The following ANAPC10 variants were observed in gnomAD, a reference collection of about 807,000 sequenced individuals.
ANAPC10 encodes anaphase promoting complex subunit 10.
In ANAPC10, 12 loss-of-function variants were observed where a neutral mutation model predicts 22.0. The observed-to-expected ratio is 0.55, with a 90% CI of 0.35 to 0.88. The LOEUF (loss-of-function observed/expected upper bound fraction) is 0.88. ANAPC10 is among the 40% of genes least tolerant of loss of function. ANAPC10 has a pLI of 0.01. For synonymous variants in ANAPC10, 65 were observed against 69.5 expected (o/e 0.94, Z 0.32); for missense variants, 188 against 220.9 (o/e 0.85, Z 0.94).
chr4:145,042,846 A>G (rs1739712531), intron 4 of ANAPC10, among the ~76,000 whole-genome samples: 2 of 152,120 alleles, frequency 1.3e-5, no homozygotes, highest in Admixed American at 6.6e-5. Context: ...TGCTGGCACA[A>G]TGGAATTTCA....
At chr4:145,020,292 A>G (rs1368548643) in intron 4 of ANAPC10, among the ~76,000 whole-genome samples, 4 of 152,230 alleles carry the variant, frequency 2.6e-5, no homozygotes, top group Non-Finnish European at 5.9e-5. Flanking sequence ...CCACAAGTCA[A>G]TAAATGTGAT....
intron 2 of ANAPC10, among the ~76,000 whole-genome samples, chr4:145,092,887 T>C (rs1747899378): frequency 6.6e-6 from 1 of 152,154 alleles, no homozygotes; most frequent in Non-Finnish European, 1.5e-5. Context: ...AAACTCTCTA[T>C]ACCTGAGAGA....
chr4:144,997,142 G>T (rs534277956), intron 4 of ANAPC10, among the ~76,000 whole-genome samples: 1 of 152,184 alleles, frequency 6.6e-6, no homozygotes, highest in Non-Finnish European at 1.5e-5. Context: ...GGCCAGAATG[G>T]AACCAAGGTG....
intron 3 of ANAPC10, among the ~76,000 whole-genome samples, chr4:145,065,563 C>T (rs1743556439): frequency 6.6e-6 from 1 of 151,790 alleles, no homozygotes; most frequent in African/African-American, 2.4e-5. Flanking sequence ...GAAGGCTGGC[C>T]TTGGAGAAAA....
At chr4:145,041,518 G>T (rs1739520243) in intron 4 of ANAPC10, among the ~76,000 whole-genome samples, 1 of 152,200 alleles carries the variant, frequency 6.6e-6, no homozygotes, top group Non-Finnish European at 1.5e-5. Context: ...GAAGAATTAG[G>T]CTTCTTGGCA....
chr4:144,997,821 G>A (rs1449018875), intron 4 of ANAPC10, among the ~76,000 whole-genome samples: 4 of 152,160 alleles, frequency 2.6e-5, no homozygotes, highest in African/African-American at 9.7e-5. Flanking sequence ...TCAGTGTGCT[G>A]CATTCAGGAG....
At chr4:145,024,537 A>T (rs1736390900) in intron 4 of ANAPC10, among the ~76,000 whole-genome samples, 1 of 152,200 alleles carries the variant, frequency 6.6e-6, no homozygotes, top group South Asian at 2.1e-4. Context: ...TCTCCATCAA[A>T]GCTCTTGGGT....
At chr4:145,088,296 A>G (rs2126634836) in intron 2 of ANAPC10, among the ~76,000 whole-genome samples, 1 of 152,286 alleles carries the variant, frequency 6.6e-6, no homozygotes, top group East Asian at 1.9e-4. Context: ...TTAGAATATC[A>G]TTGGCACACT....
intron 4 of ANAPC10, among the ~76,000 whole-genome samples, chr4:145,051,892 A>T (rs1395537049): frequency 6.6e-6 from 1 of 152,204 alleles, no homozygotes; most frequent in Non-Finnish European, 1.5e-5. Flanking sequence ...ATAATCGCAG[A>T]GTACCTTTTA....
chr4:145,080,187 T>C (rs906669938), intron 3 of ANAPC10, among the ~76,000 whole-genome samples: 2 of 142,418 alleles, frequency 1.4e-5, no homozygotes, highest in Non-Finnish European at 3.0e-5. Flanking sequence ...TAGACATGGG[T>C]GCCTACTTGA....
intron 4 of ANAPC10, among the ~76,000 whole-genome samples, chr4:145,024,892 CT>C (rs1736440264): frequency 1.3e-5 from 2 of 152,196 alleles, no homozygotes; most frequent in Admixed American, 6.6e-5. Context: ...CAGCAGAAGG[CT>C]GTTTTGTCTA....
intron 4 of ANAPC10, among the ~76,000 whole-genome samples, chr4:145,028,318 T>A (rs1482140045): frequency 6.6e-6 from 1 of 152,054 alleles, no homozygotes; most frequent in Non-Finnish European, 1.5e-5. Flanking sequence ...CCAGCCTGCA[T>A]CTTTCTCCCA....
intron 4 of ANAPC10, among the ~76,000 whole-genome samples, chr4:145,053,039 C>G (rs1199347734): frequency 2.0e-5 from 3 of 151,958 alleles, no homozygotes; most frequent in African/African-American, 7.3e-5. Context: ...CAGGCAAACC[C>G]TAAGAAACCT....
chr4:145,070,488 CTA>C (rs1342235007), intron 3 of ANAPC10, among the ~76,000 whole-genome samples: 2 of 152,122 alleles, frequency 1.3e-5, no homozygotes, highest in Non-Finnish European at 2.9e-5. Context: ...ATTAGGATGA[CTA>C]TTATCAAATG....
chr4:145,033,793 C>G (rs1448129641), intron 4 of ANAPC10, among the ~76,000 whole-genome samples: 1 of 152,182 alleles, frequency 6.6e-6, no homozygotes, highest in Non-Finnish European at 1.5e-5. Flanking sequence ...ATACCAGCTA[C>G]AATCTTGTGA....
chr4:145,015,683 G>C (rs941839896), intron 4 of ANAPC10, among the ~76,000 whole-genome samples: 10 of 152,124 alleles, frequency 6.6e-5, no homozygotes, highest in Non-Finnish European at 1.5e-4. Flanking sequence ...TAAGAGCTGT[G>C]AGACAAAAGT....
At chr4:145,062,450 A>T (rs1743034366) in intron 4 of ANAPC10, among the ~76,000 whole-genome samples, 1 of 151,566 alleles carries the variant, frequency 6.6e-6, no homozygotes, top group African/African-American at 2.4e-5. Context: ...TACTAAAAAT[A>T]GAAAAAATTA....
At chr4:145,068,250 CT>C (rs1016614705) in intron 3 of ANAPC10, among the ~76,000 whole-genome samples, 1 of 152,128 alleles carries the variant, frequency 6.6e-6, no homozygotes, top group African/African-American at 2.4e-5. Context: ...ATTACTGTGT[CT>C]GTATTACAGA....
At chr4:145,097,418 C>G (rs1416635373) in intron 1 of ANAPC10, 1 of 1,154,704 alleles carries the variant, frequency 8.7e-7, no homozygotes, top group Non-Finnish European at 1.2e-6. Context: ...ATATGTAAAA[C>G]TGCTTTGGTA....
Sources: gnomAD v4.1 joint callset for allele counts (sites outside exome capture counted in the v4.1 genomes callset) on GRCh38, gnomAD v4.1.1 for gene constraint, MANE v1.5 for transcripts, NCBI Gene and HGNC (gene_info 2026-07-23, HGNC 2026-07-21) for gene names.